The following ADARB1 variants were observed in gnomAD, a reference collection of about 807,000 sequenced individuals.
ADARB1 encodes double-stranded RNA-specific editase 1.
Under a neutral mutation model 52.4 loss-of-function variants are expected in ADARB1, and 10 were observed. That is an observed-to-expected ratio of 0.19 (90% CI 0.12 to 0.32). ADARB1 has a LOEUF of 0.32. ADARB1 is among the 10% of genes least tolerant of loss of function. The probability of loss-of-function intolerance (pLI) is 1.00; values close to 1 mark genes in which losing one functional copy is unlikely to be tolerated. For missense variants in ADARB1, 643 were observed against 922.3 expected (o/e 0.70, Z 3.92); for synonymous variants, 349 against 371.1 (o/e 0.94, Z 0.68).
intron 2 of ADARB1, among the ~76,000 whole-genome samples, chr21:45,132,948 G>A (rs753279347): frequency 6.6e-6 from 1 of 152,184 alleles, no homozygotes; most frequent in African/African-American, 2.4e-5. Context: ...AGAAAATACC[G>A]ACAATCTTCC....
chr21:45,133,020 G>A (rs2089052860), intron 2 of ADARB1, among the ~76,000 whole-genome samples: 1 of 152,200 alleles, frequency 6.6e-6, no homozygotes, highest in South Asian at 2.1e-4. Flanking sequence ...TGTCTGCTGG[G>A]TGGCGGCTCA....
intron 2 of ADARB1, among the ~76,000 whole-genome samples, chr21:45,134,288 G>T (rs1336112765): frequency 9.1e-6 from 1 of 110,450 alleles, no homozygotes; most frequent in African/African-American, 3.5e-5. Flanking sequence ...CACCCGACGG[G>T]GGTGTGTGCC....
chr21:45,094,018 C>A (rs1215726534), intron 1 of ADARB1, among the ~76,000 whole-genome samples: 1 of 152,104 alleles, frequency 6.6e-6, no homozygotes, highest in Non-Finnish European at 1.5e-5. Flanking sequence ...GTCTGCCCAT[C>A]CTGATTATAA....
intron 1 of ADARB1, among the ~76,000 whole-genome samples, chr21:45,108,536 C>G (rs1223728678): frequency 1.3e-5 from 2 of 152,098 alleles, no homozygotes; most frequent in Non-Finnish European, 2.9e-5. Flanking sequence ...AAGCAGGTAC[C>G]AAATTCTTAT....
chr21:45,125,469 T>A (rs1056263712), intron 1 of ADARB1, among the ~76,000 whole-genome samples: 2 of 152,220 alleles, frequency 1.3e-5, no homozygotes, highest in African/African-American at 4.8e-5. Context: ...AGCATCTGAG[T>A]TGGCTCCCCA....
chr21:45,095,962 C>G (rs2086740577), intron 1 of ADARB1, among the ~76,000 whole-genome samples: 1 of 152,238 alleles, frequency 6.6e-6, no homozygotes, highest in Non-Finnish European at 1.5e-5. Context: ...TTTACCCTCT[C>G]AAATTCCAGA....
At chr21:45,212,270 C>T (rs73386736) in intron 9 of ADARB1, among the ~76,000 whole-genome samples, 3,093 of 152,264 alleles carry the variant, frequency 0.02, 109 homozygotes, top group African/African-American at 0.07. Context: ...GCCATTCCCC[C>T]ACAAAAGAAA....
chr21:45,215,355 G>T (rs569806419), intron 9 of ADARB1, among the ~76,000 whole-genome samples: 37 of 152,232 alleles, frequency 2.4e-4, no homozygotes, highest in African/African-American at 8.2e-4. Context: ...GCTGCTGTAG[G>T]TTTTTTACAG....
In ADARB1 at chr21:45,074,714, G is replaced by T. The variant is rs1459446727; in HGVS notation, c.-299G>T. 1 of 146,416 alleles carries T rather than the reference G, an allele frequency of 6.8e-6. No individual in the cohort carries two copies. The highest frequency in any genetic ancestry group is 2.0e-4 in the East Asian group (1 of 5,052). The allele number at this position is 146,416 out of a possible 1,614,324, so 9.1% of individuals were successfully genotyped here. A position where few individuals can be genotyped will look rare whatever the true frequency, so the allele number is the denominator to read the frequency against. On this transcript the variant is annotated 5_prime_UTR_variant, in exon 1 of 11. Coordinates refer to ENST00000348831, the MANE Select transcript of ADARB1 (RefSeq NM_001112.4). ...GCCGCTGCGCACAACCAACGAGGCA[G>T]AGCGCCGCCCGGCGCGAGACTGCGG...
At chr21:45,104,652 A>G (rs1055838010) in intron 1 of ADARB1, among the ~76,000 whole-genome samples, 1 of 152,236 alleles carries the variant, frequency 6.6e-6, no homozygotes, top group Non-Finnish European at 1.5e-5. Context: ...AAATGGACAT[A>G]GCATTGCTGG....
At chr21:45,149,748 C>G (rs912887665) in intron 2 of ADARB1, among the ~76,000 whole-genome samples, 1 of 152,210 alleles carries the variant, frequency 6.6e-6, no homozygotes, top group African/African-American at 2.4e-5. Context: ...CTGCAAATGA[C>G]TAATCATGTT....
chr21:45,094,212 A>C (rs2030207247), intron 1 of ADARB1, among the ~76,000 whole-genome samples: 1 of 152,196 alleles, frequency 6.6e-6, no homozygotes, highest in Non-Finnish European at 1.5e-5. Context: ...CTCTGCAAGC[A>C]GTTGTCTGTT....
Position 45,180,360 on chromosome 21 carries a change from C to G in ADARB1, c.994C>G (p.Leu332Val). ...VLADAVSRLV[L>V]GKFGDLTDNF... is the part of the protein sequence containing the mutation. Reference sequence around the variant, plus strand: ...AGCTGACGCTGTCTCACGCCTGGTCCTGGGTAAGTTTGGTGACCTGACCGA... The same window carrying G: ...AGCTGACGCTGTCTCACGCCTGGTCGTGGGTAAGTTTGGTGACCTGACCGA... The change falls in exon 5 of 11, where the codon CTG (leucine) becomes GTG (valine). Residue 332 changes from leucine (L) to valine (V), a missense_variant. Around this residue, in one of 2 missense-constraint regions of ADARB1, gnomAD observed 380 missense variants for 446.5 expected, o/e 0.85. Coordinates refer to ENST00000348831, the MANE Select transcript of ADARB1 (RefSeq NM_001112.4). 1 of 1,614,128 alleles carries G rather than the reference C, an allele frequency of 6.2e-7. No individual in the cohort carries two copies. The highest frequency in any genetic ancestry group is 8.5e-7 in the Non-Finnish European group (1 of 1,180,028).
chr21:45,177,095 T>G, intron 4 of ADARB1: 1 of 159,278 alleles, frequency 6.3e-6, no homozygotes, highest in Non-Finnish European at 1.4e-5. Context: ...ACATTCAAGA[T>G]AAGTGACACC....
At position 45,223,673 on chromosome 21, in the gene ADARB1, T is replaced by C; in HGVS notation, c.*1476T>C. 4 of 985,482 alleles carry C rather than the reference T, an allele frequency of 4.1e-6. No individual in the cohort carries two copies. Among genetic ancestry groups the C allele is most frequent in the Non-Finnish European group, 4.8e-6 (4 of 830,064 alleles). The allele number at this position is 985,482 out of a possible 1,614,324, so 61.0% of individuals were successfully genotyped here. ...AATCCAGGGTGTTGGCACCTGTGTG[T>C]CCGTGATGAGCCTAGGAAACCAGAG... On this transcript the variant is annotated 3_prime_UTR_variant, in exon 11 of 11. Transcript: ENST00000348831.
chr21:45,209,924 C>T (rs1482590625), intron 9 of ADARB1, among the ~76,000 whole-genome samples: 1 of 152,198 alleles, frequency 6.6e-6, no homozygotes, highest in African/African-American at 2.4e-5. Flanking sequence ...TGTCTCTCCT[C>T]TCATCTGATG....
At chr21:45,168,507 T>C (rs1012050065) in intron 2 of ADARB1, among the ~76,000 whole-genome samples, 1 of 152,274 alleles carries the variant, frequency 6.6e-6, no homozygotes, top group African/African-American at 2.4e-5. Context: ...GTAGGAGACC[T>C]GAATTGAGGT....
intron 3 of ADARB1, among the ~76,000 whole-genome samples, chr21:45,173,516 C>T (rs2091570678): frequency 6.6e-6 from 1 of 151,854 alleles, no homozygotes; most frequent in Admixed American, 6.6e-5. Context: ...TTTGTCAATC[C>T]AATAGTAATT....
chr21:45,212,327 C>T (rs886991671), intron 9 of ADARB1, among the ~76,000 whole-genome samples: 1 of 152,128 alleles, frequency 6.6e-6, no homozygotes, highest in Non-Finnish European at 1.5e-5. Flanking sequence ...TGAACATGCT[C>T]CTGGGGCTGC....
Sources: allele counts gnomAD v4.1 joint callset (sites outside exome capture counted in the v4.1 genomes callset), GRCh38; gene constraint gnomAD v4.1.1; regional missense constraint gnomAD v4.1.1; transcripts MANE v1.5; gene names NCBI Gene and HGNC (gene_info 2026-07-23, HGNC 2026-07-21).